SBF1: variants seen among roughly 807,000 people sequenced by gnomAD.
SBF1 encodes the protein myotubularin-related protein 5.
SBF1 carries 65 observed loss-of-function variants against 215.8 expected under a neutral mutation model. The ratio of observed to expected loss-of-function variants is 0.30; its 90% CI spans 0.25 to 0.37. The LOEUF (loss-of-function observed/expected upper bound fraction) is 0.37, where lower values mean the gene tolerates loss of function less well. Among genes scored for constraint, SBF1 ranks in the 10% least tolerant of loss-of-function variants. SBF1 has a pLI of 1.00. For missense variants in SBF1, 2,634 were observed against 2,667.8 expected (o/e 0.99, Z 0.28); for synonymous variants, 1,410 against 1,122.8 (o/e 1.26, Z -5.11).
chr22:50,457,023 C>A lies in SBF1; in HGVS notation c.3904+11G>T. The A allele has an allele frequency of 7.0e-7, 1 of 1,420,228 alleles. No individual in the cohort carries two copies. Among genetic ancestry groups the A allele is most frequent in the Non-Finnish European group, 9.2e-7 (1 of 1,087,646 alleles). 88.0% of individuals were successfully genotyped at this position (1,420,228 alleles called of 1,614,324 possible). A position where few individuals can be genotyped will look rare whatever the true frequency, so the allele number is the denominator to read the frequency against. ...AAGGGGAGGCGGGCCTGCGCAGGCT[C>A]GGTACGGTACCTCGGGGTGCGGTCC... On this transcript the variant is annotated intron_variant, in intron 29 of 40. Transcript: ENST00000380817.
chr22:50,456,777 G>T, intron 29 of SBF1, 104 bp from the exon 30 acceptor site: 1 of 1,086,092 alleles, frequency 9.2e-7, no homozygotes, highest in Non-Finnish European at 1.3e-6. Flanking sequence ...TCCCAGGGCA[G>T]GGGTGGTTGG....
intron 23 of SBF1, 27 bp downstream of exon 23, chr22:50,461,132 G>A (rs371871664): frequency 4.9e-5 from 77 of 1,570,666 alleles, no homozygotes; most frequent in Non-Finnish European, 6.2e-5. Context: ...CGGGGGATGA[G>A]AGCCCCACCC....
At chr22:50,454,220 G>A (rs534873827) in intron 36 of SBF1, among the ~76,000 whole-genome samples, 4 of 152,322 alleles carry the variant, frequency 2.6e-5, no homozygotes, top group African/African-American at 7.2e-5. Flanking sequence ...CCAGGTCAGG[G>A]AAAACACACG....
intron 36 of SBF1, among the ~76,000 whole-genome samples, chr22:50,452,540 G>A (rs2067085296): frequency 6.6e-6 from 1 of 151,816 alleles, no homozygotes; most frequent in South Asian, 2.1e-4. Flanking sequence ...CCAACACAGT[G>A]AAACCCCGTC....
At chr22:50,471,685 C>T (rs747454051) in intron 1 of SBF1, among the ~76,000 whole-genome samples, 3 of 152,172 alleles carry the variant, frequency 2.0e-5, no homozygotes, top group African/African-American at 7.2e-5. Flanking sequence ...GCCATCCCCC[C>T]CAACCTCCCC....
At chr22:50,469,892 C>CAG (rs1171037731) in intron 1 of SBF1, among the ~76,000 whole-genome samples, 1 of 152,194 alleles carries the variant, frequency 6.6e-6, no homozygotes, top group Non-Finnish European at 1.5e-5. Context: ...GTTACAGGGG[C>CAG]AGAGCCAAGG....
chr22:50,457,355 G>A (rs746060743), intron 28 of SBF1: 27 of 428,254 alleles, frequency 6.3e-5, no homozygotes, highest in Non-Finnish European at 9.5e-5. Context: ...TGGGGATCCC[G>A]GGCTCTCCTC....
intron 1 of SBF1, among the ~76,000 whole-genome samples, chr22:50,470,112 T>G (rs1953069916): frequency 6.6e-6 from 1 of 150,704 alleles, no homozygotes; most frequent in African/African-American, 2.5e-5. Context: ...GCGCAGGCCC[T>G]GAGCTGCGGC....
chr22:50,455,272 G>T lies in SBF1; in HGVS notation c.4506C>A (p.Ser1502Arg). The T allele has an allele frequency of 6.2e-7, 1 of 1,613,408 alleles. No individual in the cohort carries two copies. Among genetic ancestry groups the T allele is most frequent in the Non-Finnish European group, 8.5e-7 (1 of 1,179,858 alleles). Residue 1502 changes from serine to arginine, a missense_variant, in exon 33 of 41, where the codon AGC becomes AGA. Transcript: ENST00000380817. ...GCAGGAAGACGGGTGTGAAGCCGCT[G>T]CTCTGCCCGGCCAGGGTGTGAGCTC... is the stretch of plus-strand genomic sequence containing the variant. Reference protein sequence around the residue: ...HRGAHTLAGQSSGFTPVFLQF... With the variant: ...HRGAHTLAGQRSGFTPVFLQF...
At position 50,448,377 on chromosome 22, in the gene SBF1, T is replaced by A. The variant is rs752849602; in HGVS notation, c.5219A>T (p.Gln1740Leu). ...CAGGGTGGAGCCCACGGGCCCCTCCTGCAGGTACACACCCAGCGAGCGACG... is the reference window on the plus strand; with the variant it reads ...CAGGGTGGAGCCCACGGGCCCCTCCAGCAGGTACACACCCAGCGAGCGACG... ...HHRRSLGVYL[Q>L]EGPVGSTLSL... is the part of the protein sequence containing the mutation. The change falls in exon 38 of 41, where the codon CAG (glutamine) becomes CTG (leucine). Residue 1740 changes from glutamine to leucine, a missense_variant. Gln to Leu is a moderately radical substitution (Grantham distance 113, BLOSUM62 -2). Coordinates refer to ENST00000380817, the MANE Select transcript of SBF1 (RefSeq NM_002972.4). 3 of 1,613,838 alleles carry A rather than the reference T, an allele frequency of 1.9e-6. No individual in the cohort carries two copies. Among genetic ancestry groups the A allele is most frequent in the Non-Finnish European group, 2.5e-6 (3 of 1,180,050 alleles).
chr22:50,449,564 G>A (rs1288303995), intron 36 of SBF1, among the ~76,000 whole-genome samples: 8 of 151,344 alleles, frequency 5.3e-5, no homozygotes, highest in African/African-American at 1.5e-4. Context: ...GCAGTGAGCC[G>A]AGATCACACC....
intron 1 of SBF1, among the ~76,000 whole-genome samples, chr22:50,473,941 G>A (rs2068082135): frequency 6.6e-6 from 1 of 152,204 alleles, no homozygotes; most frequent in Non-Finnish European, 1.5e-5. Context: ...GGGAGGAAGA[G>A]GTGAGATCAT....
chr22:50,455,731 A>AC (rs2067220889), intron 31 of SBF1, 149 bp from the exon 32 acceptor site: 1 of 667,922 alleles, frequency 1.5e-6, no homozygotes, highest in African/African-American at 1.8e-5. Context: ...AGAGCACTGG[A>AC]CAAACACAGC....
chr22:50,466,874 G>A (rs2067785470), intron 5 of SBF1, 164 bp from the exon 6 acceptor site: 2 of 592,046 alleles, frequency 3.4e-6, no homozygotes, highest in East Asian at 5.8e-5. Context: ...CCCTGCCTCT[G>A]TTGTCCCAAG....
chr22:50,463,247 C>A, intron 16 of SBF1, 36 bp downstream of exon 16: 1 of 1,611,408 alleles, frequency 6.2e-7, no homozygotes, highest in South Asian at 1.1e-5. Flanking sequence ...GCTCATGCGC[C>A]ATGAGCCATG....
At position 50,461,757 on chromosome 22, in the gene SBF1, G is replaced by A. The variant is rs111456575; in HGVS notation, c.2643+39C>T. On this transcript the variant is annotated intron_variant, in intron 21 of 40. Transcript: ENST00000380817. ...AGAGCAGGAGCTCAGGATGCAGCCC[G>A]GGCCTTGGGCCCCCGCAGCCCCAAC... 19,207 of 1,610,944 alleles carry A rather than the reference G, an allele frequency of 0.012. 400 individuals are homozygous for A. Among genetic ancestry groups the A allele is most frequent in the East Asian group, 0.1 (4,504 of 44,816 alleles).
At chr22:50,461,379 T>C (rs112686399) in intron 22 of SBF1, 93 bp from the exon 23 acceptor site, 4 of 1,508,152 alleles carry the variant, frequency 2.7e-6, no homozygotes, top group South Asian at 1.3e-5. Flanking sequence ...GAATCCCAAG[T>C]GGGTGGGGAA....
Position 50,465,340 on chromosome 22 carries a change from G to A in SBF1, c.1090-12C>T. 2 of 1,565,970 alleles carry A rather than the reference G, an allele frequency of 1.3e-6. No individual in the cohort carries two copies. Among genetic ancestry groups the A allele is most frequent in the South Asian group, 1.2e-5 (1 of 85,650 alleles). Reference sequence around the variant, plus strand: ...CGCAGCTCCTTGTCCTGGGAGAAGAGCTGAGTGCAGGTGAGAGCCAGTCCT... The same window carrying A: ...CGCAGCTCCTTGTCCTGGGAGAAGAACTGAGTGCAGGTGAGAGCCAGTCCT... On this transcript the variant is annotated splice_polypyrimidine_tract_variant and intron_variant, in intron 10 of 40. Transcript: ENST00000380817.
chr22:50,461,055 C>T, intron 23 of SBF1, 104 bp downstream of exon 23: 2 of 1,411,788 alleles, frequency 1.4e-6, no homozygotes, highest in Non-Finnish European at 1.9e-6. Flanking sequence ...ACAACAGGGC[C>T]ACTGCTGGAG....
Sources: gnomAD v4.1 joint callset for allele counts (sites outside exome capture counted in the v4.1 genomes callset) on GRCh38, gnomAD v4.1.1 for gene constraint, MANE v1.5 for transcripts, NCBI Gene and HGNC (gene_info 2026-07-23, HGNC 2026-07-21) for gene names.